RFX3: variants seen among roughly 807,000 people sequenced by gnomAD.
RFX3 encodes transcription factor RFX3.
A neutral mutation model predicts 98.6 loss-of-function variants in RFX3; 14 were observed. The observed-to-expected ratio is 0.14, with a 90% CI of 0.09 to 0.22. RFX3 has a LOEUF of 0.22. Ranked by LOEUF, RFX3 falls within the 10% of genes least tolerant of loss-of-function variation. The pLI is 1.00. For synonymous variants in RFX3, 383 were observed against 328.4 expected, an observed-to-expected ratio of 1.17 and a Z score of -1.80; for missense variants, 639 against 926.9, an observed-to-expected ratio of 0.69 and a Z score of 4.03.
At chr9:3,440,934 A>G (rs939603367) in intron 1 of RFX3, among the ~76,000 whole-genome samples, 5 of 152,256 alleles carry the variant, frequency 3.3e-5, no homozygotes, top group African/African-American at 1.2e-4. Flanking sequence ...TGACCCATAT[A>G]TAAATGATAA....
At chr9:3,524,582 C>T in intron 1 of RFX3, 3 of 979,448 alleles carry the variant, frequency 3.1e-6, no homozygotes, top group Non-Finnish European at 3.6e-6. Context: ...CTTAAAGTAC[C>T]ATAACTGTCA....
intron 11 of RFX3, among the ~76,000 whole-genome samples, chr9:3,266,966 T>A (rs1285989466): frequency 6.6e-6 from 1 of 152,052 alleles, no homozygotes; most frequent in East Asian, 1.9e-4. Context: ...AAATAGCTCA[T>A]TCTGTATCCT....
intron 1 of RFX3, among the ~76,000 whole-genome samples, chr9:3,512,579 C>T (rs1178464264): frequency 1.3e-5 from 2 of 151,798 alleles, no homozygotes; most frequent in African/African-American, 2.4e-5. Flanking sequence ...AACTCTGAGG[C>T]AACACCTCAA....
intron 1 of RFX3, among the ~76,000 whole-genome samples, chr9:3,426,156 G>A (rs1844002142): frequency 6.6e-6 from 1 of 152,084 alleles, no homozygotes; most frequent in Non-Finnish European, 1.5e-5. Context: ...ACAAAAGACA[G>A]TTTATTGGCT....
rs1323456016 is a variant in RFX3, at chr9:3,234,041, G to A, written c.1969-5152C>T. ...TAGTATATCCAGATTACAGATTTAC[G>A]GGTAGGCACATTTTCATCCTTCCTC... On this transcript the variant is annotated intron_variant, in intron 15 of 16. Transcript: ENST00000617270. Among the ~76,000 whole-genome samples the A allele has an allele frequency of 9.2e-5, 14 of 152,204 alleles. 1 individual carries two copies. Among genetic ancestry groups the A allele is most frequent in the African/African-American group, 3.1e-4 (13 of 41,530 alleles).
At chr9:3,522,320 A>AAT (rs1196540756) in intron 1 of RFX3, among the ~76,000 whole-genome samples, 5 of 152,184 alleles carry the variant, frequency 3.3e-5, no homozygotes, top group Admixed American at 6.5e-5. Flanking sequence ...GGCCACTGGG[A>AAT]ATATATACCA....
intron 3 of RFX3, among the ~76,000 whole-genome samples, chr9:3,330,858 T>C (rs1455642941): frequency 6.6e-6 from 1 of 152,120 alleles, no homozygotes; most frequent in African/African-American, 2.4e-5. Context: ...CAAATCCCAG[T>C]TTTAGAAAAG....
intron 1 of RFX3, among the ~76,000 whole-genome samples, chr9:3,496,889 ATAC>A (rs1851143910): frequency 6.6e-6 from 1 of 152,064 alleles, no homozygotes; most frequent in East Asian, 1.9e-4. Flanking sequence ...TGGAACTGGC[ATAC>A]AACTGTCTCA....
intron 3 of RFX3, among the ~76,000 whole-genome samples, chr9:3,338,338 G>T (rs1299030360): frequency 6.6e-6 from 1 of 152,132 alleles, no homozygotes; most frequent in Non-Finnish European, 1.5e-5. Flanking sequence ...CTACTGGGGA[G>T]GAAATGCAAG....
intron 6 of RFX3, among the ~76,000 whole-genome samples, chr9:3,290,462 G>C (rs79388512): frequency 1.3e-5 from 2 of 152,166 alleles, no homozygotes; most frequent in East Asian, 3.9e-4. Flanking sequence ...ACAGCTATTA[G>C]AATGTTGAAT....
intron 2 of RFX3, among the ~76,000 whole-genome samples, chr9:3,367,822 A>T (rs1837382788): frequency 6.6e-6 from 1 of 152,212 alleles, no homozygotes; most frequent in African/African-American, 2.4e-5. Context: ...CGAATAGTTA[A>T]GTTACAAGCA....
At chr9:3,387,894 C>G (rs1390206761) in intron 2 of RFX3, among the ~76,000 whole-genome samples, 1 of 152,014 alleles carries the variant, frequency 6.6e-6, no homozygotes, top group East Asian at 1.9e-4. Context: ...TGACCCTGAA[C>G]AGAAAAGAAA....
intron 1 of RFX3, among the ~76,000 whole-genome samples, chr9:3,488,355 T>C (rs534052693): frequency 2.0e-4 from 30 of 152,278 alleles, no homozygotes; most frequent in African/African-American, 7.0e-4. Context: ...TTAATAAAAG[T>C]ATACTATGGA....
rs543044023 is a variant in RFX3, at chr9:3,503,995, T to G, written c.-9+21752A>C. ...TGCACACGCTGTTCAATTTTTTAAG[T>G]GTTTCCAAAGAGCCTCCAACTTGGA... is the stretch of plus-strand genomic sequence containing the variant. On this transcript the variant is annotated intron_variant, in intron 1 of 16. Transcript: ENST00000617270. Among the ~76,000 whole-genome samples the G allele has an allele frequency of 5.3e-5, 8 of 151,506 alleles. No homozygotes were observed. In the South Asian group the frequency reaches 1.7e-3, roughly 31 times the overall value.
At chr9:3,375,082 C>T (rs1464870898) in intron 2 of RFX3, among the ~76,000 whole-genome samples, 1 of 152,138 alleles carries the variant, frequency 6.6e-6, no homozygotes, top group Non-Finnish European at 1.5e-5. Context: ...ACAAATGAGC[C>T]TCAGTGACTA....
In RFX3 at chr9:3,486,103, C is replaced by T. The variant is rs1367268540; in HGVS notation, c.-9+39644G>A. Among the ~76,000 whole-genome samples the T allele has an allele frequency of 5.3e-5, 3 of 56,878 alleles. No individual in the cohort carries two copies. The East Asian group carries it at 1.4e-3, about 26-fold the overall frequency. The allele number at this position is 56,878 out of a possible 152,430, so 37.3% of individuals were successfully genotyped here. A position where few individuals can be genotyped will look rare whatever the true frequency, so the allele number is the denominator to read the frequency against. ...TCATCCCATTGCACTCCAGCCTGGG[C>T]AACAAAAGTGAAACTGTCTCAAACC... is the stretch of plus-strand genomic sequence containing the variant. On this transcript the variant is annotated intron_variant, in intron 1 of 16. Transcript: ENST00000617270.
chr9:3,399,656 T>C (rs1466721402), intron 1 of RFX3, among the ~76,000 whole-genome samples: 2 of 151,790 alleles, frequency 1.3e-5, no homozygotes, highest in Non-Finnish European at 2.9e-5. Context: ...AAGTAGAAAA[T>C]TGCTTTTTGA....
intron 2 of RFX3, among the ~76,000 whole-genome samples, chr9:3,386,066 T>A (rs1341618129): frequency 6.6e-6 from 1 of 152,172 alleles, no homozygotes; most frequent in East Asian, 1.9e-4. Flanking sequence ...TTGGTTCTGA[T>A]CTAGAGTCTG....
At chr9:3,329,196 C>T (rs1214812366) in intron 4 of RFX3, among the ~76,000 whole-genome samples, 1 of 151,946 alleles carries the variant, frequency 6.6e-6, no homozygotes, top group African/African-American at 2.4e-5. Context: ...TACCGAAGGT[C>T]AGGAGTTCGA....
Sources: gnomAD v4.1 joint callset for allele counts (sites outside exome capture counted in the v4.1 genomes callset) on GRCh38, gnomAD v4.1.1 for gene constraint, MANE v1.5 for transcripts, NCBI Gene and HGNC (gene_info 2026-07-23, HGNC 2026-07-21) for gene names.